RTN2: variants seen among roughly 807,000 people sequenced by gnomAD.
RTN2 encodes the protein reticulon-2.
Under a neutral mutation model 63.7 loss-of-function variants are expected in RTN2, and 36 were observed. The ratio of observed to expected loss-of-function variants is 0.56; its 90% CI spans 0.43 to 0.75. The LOEUF (loss-of-function observed/expected upper bound fraction) is 0.75, where lower values mean the gene tolerates loss of function less well. Ranked by LOEUF, RTN2 falls within the 30% of genes least tolerant of loss-of-function variation. The pLI is 0.00. For synonymous variants in RTN2, 312 were observed against 313.0 expected (o/e 1.00, Z 0.03); for missense variants, 673 against 705.1 (o/e 0.95, Z 0.52).
At chr19:45,488,382 C>G in intron 9 of RTN2, 89 bp downstream of exon 9, 1 of 1,406,954 alleles carries the variant, frequency 7.1e-7, no homozygotes, top group Non-Finnish European at 9.9e-7. Context: ...CTGGCCGGGA[C>G]ATCTGTCAAT....
intron 5 of RTN2, among the ~76,000 whole-genome samples, chr19:45,491,065 T>G (rs1388662910): frequency 6.7e-6 from 1 of 150,194 alleles, no homozygotes; most frequent in Non-Finnish European, 1.5e-5. Flanking sequence ...TTTTTGTTAT[T>G]TTTAGTTAGA....
At chr19:45,489,194 A>C (rs1006037100) in intron 6 of RTN2, 152 bp downstream of exon 6, 1 of 893,710 alleles carries the variant, frequency 1.1e-6, no homozygotes, top group African/African-American at 1.7e-5. Flanking sequence ...GGTTAGGATC[A>C]GAGATTAGGA....
chr19:45,495,136 T>C lies in RTN2; in HGVS notation c.38A>G (p.Glu13Gly), dbSNP rs543879837. 6.2e-7 allele frequency: 1 copy of C among 1,614,102 alleles called. No homozygotes were observed. The highest frequency in any genetic ancestry group is 1.3e-5 in the African/African-American group (1 of 75,052). Residue 13 changes from glutamate to glycine, a missense_variant, in exon 2 of 11, where the codon GAA (glutamate) becomes GGA (glycine). Transcript: ENST00000245923. ...QVLPVFAHCK[E>G]APSTASSTPD... ...AGTTGAGGAGGCTGTAGACGGAGCT[T>C]CTTCTGCGAGAGGGAAAGAATCGAA...
In RTN2 at chr19:45,489,472, A is replaced by G; in HGVS notation, c.1115T>C (p.Leu372Pro). The stretch of plus-strand genomic sequence containing the variant: ...GGCCACGGACACGATGCTAAAGTGC[A>G]GGAGGCAGAGGAGGGAGACCATCAG... Reference protein sequence around the residue: ...TGLMVSLLCLLHFSIVSVAAH... With the variant: ...TGLMVSLLCLPHFSIVSVAAH... The change falls in exon 6 of 11, where the codon CTG (leucine) becomes CCG (proline). Residue 372 changes from leucine to proline, a missense_variant. Transcript: ENST00000245923. 1 of 1,612,892 alleles carries G rather than the reference A, an allele frequency of 6.2e-7. No individual in the cohort carries two copies.
chr19:45,494,603 G>A lies in RTN2; in HGVS notation c.482C>T (p.Ser161Phe), dbSNP rs770628974. 6.2e-7 allele frequency: 1 copy of A among 1,614,044 alleles called. No homozygotes were observed. The highest frequency in any genetic ancestry group is 8.5e-7 in the Non-Finnish European group (1 of 1,180,028). Reference sequence around the variant, plus strand: ...TTCCAGCGGGGTGGAGCTGCTGGTGGAAGAGTCCTCCCCGGATCCCGTTCC... The same window carrying A: ...TTCCAGCGGGGTGGAGCTGCTGGTGAAAGAGTCCTCCCCGGATCCCGTTCC... ...ARGTGSGEDS[S>F]TSSSTPLEDE... is the part of the protein sequence containing the mutation. Residue 161 changes from serine (S) to phenylalanine (F), a missense_variant, in exon 3 of 11, where the codon TCC (serine) becomes TTC (phenylalanine). Physicochemically the swap from Ser to Phe is radical, Grantham distance 155. Coordinates refer to ENST00000245923, the MANE Select transcript of RTN2 (RefSeq NM_005619.5). The surrounding 1 kb of genome is among the most constrained non-coding windows in gnomAD (Gnocchi z 5.3).
rs752465413 is a variant in RTN2 at position 45,488,481 on chromosome 19, C to A, written c.1487G>T (p.Arg496Leu). 6.2e-7 allele frequency: 1 copy of A among 1,613,768 alleles called. No individual in the cohort carries two copies. The highest frequency in any genetic ancestry group is 8.5e-7 in the Non-Finnish European group (1 of 1,179,874). ...GGGTGTCACACTCACCTGGTGCTGC[C>A]GGTACAGCAGGGGGATGGTGAATAG... ...IGLFTIPLLY[R>L]QHQAQIDQYV... is the part of the protein sequence containing the mutation. Residue 496 changes from arginine (R) to leucine (L), a missense_variant, in exon 9 of 11, where the codon CGG becomes CTG. Transcript: ENST00000245923.
At chr19:45,488,753 T>G (rs909873121) in intron 7 of RTN2, 47 bp from the exon 8 acceptor site, 2 of 1,604,350 alleles carry the variant, frequency 1.2e-6, no homozygotes, top group Middle Eastern at 3.3e-4. Flanking sequence ...GAATTCCCTC[T>G]CATGCTGTGA....
Position 45,485,726 on chromosome 19 carries a change from G to A in RTN2, c.1620C>T (p.Ser540=). 1 of 1,614,026 alleles carries A rather than the reference G, an allele frequency of 6.2e-7. No individual in the cohort carries two copies. The highest frequency in any genetic ancestry group is 8.5e-7 in the Non-Finnish European group (1 of 1,179,976). Residue 540 remains serine, a synonymous_variant, in exon 11 of 11, where the codon TCC becomes TCT. Transcript: ENST00000245923. The stretch of plus-strand genomic sequence containing the variant: ...ACCGTTCTCATTCGGCTTTGGCTTT[G>A]GATCCGGAGACTGCGGCTGCTGCAG... ...LASAAAAVSG[S]KAKAE
chr19:45,487,032 CTTTTTTTTT>C (rs34799041), intron 9 of RTN2, among the ~76,000 whole-genome samples: 45 of 39,178 alleles, frequency 1.1e-3, no homozygotes, highest in African/African-American at 2.7e-3. Flanking sequence ...CATGCCCAGC[CTTTTTTTTT>C]TTTTTTTTTT....
intron 5 of RTN2, among the ~76,000 whole-genome samples, chr19:45,490,142 C>T (rs1968122463): frequency 6.6e-6 from 1 of 152,104 alleles, no homozygotes; most frequent in South Asian, 2.1e-4. Context: ...GCTGGGATTA[C>T]AGGCATGTGC....
chr19:45,486,353 G>A (rs1306140680), intron 9 of RTN2, among the ~76,000 whole-genome samples: 2 of 152,164 alleles, frequency 1.3e-5, no homozygotes, highest in East Asian at 1.9e-4. Flanking sequence ...CAAGTATCTG[G>A]CAGTGAGGCC....
rs1216907618 is a variant in RTN2 at position 45,488,667 on chromosome 19, T to C, written c.1420A>G (p.Ile474Val). The change falls in exon 8 of 11, where the codon ATC (isoleucine) becomes GTC (valine). Residue 474 changes from isoleucine (I) to valine (V), a missense_variant. Transcript: ENST00000245923. Reference protein sequence around the residue: ...LFYILTFVGAIFNGLTLLILG... With the variant: ...LFYILTFVGAVFNGLTLLILG... ...ATGAGAAGAGTCAAACCATTGAAGA[T>C]GGCACCCACGAAGGTCAAGATGTAG... 6.2e-7 allele frequency: 1 copy of C among 1,613,972 alleles called. No homozygotes were observed. Among genetic ancestry groups the C allele is most frequent in the Non-Finnish European group, 8.5e-7 (1 of 1,179,952 alleles).
chr19:45,493,153 A>G lies in RTN2; in HGVS notation c.1033+7T>C. On this transcript the variant is annotated splice_region_variant and intron_variant, in intron 5 of 10. Coordinates refer to ENST00000245923, the MANE Select transcript of RTN2 (RefSeq NM_005619.5). ...CAGCCCCCGTCCAGCCCGTTCCGCA[A>G]GCCCACCTTTACTCCCCATATCGGC... is the stretch of plus-strand genomic sequence containing the variant. 2.5e-6 allele frequency: 4 copies of G among 1,611,272 alleles called. No homozygotes were observed. The highest frequency in any genetic ancestry group is 3.4e-6 in the Non-Finnish European group (4 of 1,179,690).
At position 45,494,750 on chromosome 19, in the gene RTN2, A is replaced by C. The variant is rs1388721522; in HGVS notation, c.335T>G (p.Ile112Ser). Residue 112 changes from isoleucine to serine, a missense_variant, in exon 3 of 11, where the codon ATC becomes AGC. Coordinates refer to ENST00000245923, the MANE Select transcript of RTN2 (RefSeq NM_005619.5). This position sits in a 1 kb window ranked among gnomAD's most constrained non-coding sequence, Gnocchi z 5.3. ...CTCCGGGGATTGGCTCAGGCTGGGG[A>C]TGCTCTCCAAGCTGTCGCCCAGGCT... is the stretch of plus-strand genomic sequence containing the variant. Reference protein sequence around the residue: ...QPSLGDSLESIPSLSQSPEPG... With the variant: ...QPSLGDSLESSPSLSQSPEPG... The C allele has an allele frequency of 6.2e-7, 1 of 1,610,002 alleles. No homozygotes were observed. The highest frequency in any genetic ancestry group is 8.5e-7 in the Non-Finnish European group (1 of 1,179,952).
At chr19:45,490,535 CTG>C (rs56279132) in intron 5 of RTN2, among the ~76,000 whole-genome samples, 5,201 of 145,794 alleles carry the variant, frequency 0.036, 257 homozygotes, top group African/African-American at 0.11. Context: ...GGTTGTGTGT[CTG>C]TGTGTGTGTG....
Position 45,485,497 on chromosome 19 carries a change from C to T in RTN2, c.*211G>A. ...AGGCCCCGCGGCCAAGGTGCCTCGT[C>T]TTTCCTGGACTCCTGGAGCAGAGCC... On this transcript the variant is annotated 3_prime_UTR_variant, in exon 11 of 11. Coordinates refer to ENST00000245923, the MANE Select transcript of RTN2 (RefSeq NM_005619.5). 1.7e-6 allele frequency: 1 copy of T among 572,310 alleles called. No individual in the cohort carries two copies. The allele number at this position is 572,310 out of a possible 1,614,324, so 35.5% of individuals were successfully genotyped here. A position where few individuals can be genotyped will look rare whatever the true frequency, so the allele number is the denominator to read the frequency against.
In RTN2 at chr19:45,494,845, A is replaced by T. The variant is rs1568625722; in HGVS notation, c.240T>A (p.Asp80Glu). The change falls in exon 3 of 11, where the codon GAT becomes GAA. Residue 80 changes from aspartate (D) to glutamate (E), a missense_variant. Transcript: ENST00000245923. The surrounding 1 kb of genome is among the most constrained non-coding windows in gnomAD (Gnocchi z 5.3). ...GGGGGCGGGGGCGGCGGGCAGTTGA[A>T]TCCCTGCGGCCCCCGGAGCCCACTA... is the stretch of plus-strand genomic sequence containing the variant. ...DGVVGSGGRR[D>E]STARRPRPQG... 2 of 1,604,424 alleles carry T rather than the reference A, an allele frequency of 1.2e-6. No individual in the cohort carries two copies. The highest frequency in any genetic ancestry group is 8.5e-7 in the Non-Finnish European group (1 of 1,179,832).
rs751786026 is a variant in RTN2 at position 45,496,860 on chromosome 19, A to T, written c.-35T>A. 1.1e-5 allele frequency: 15 copies of T among 1,408,384 alleles called. No homozygotes were observed. The highest frequency in any genetic ancestry group is 1.1e-5 in the Non-Finnish European group (12 of 1,061,080). The allele number at this position is 1,408,384 out of a possible 1,614,324, so 87.2% of individuals were successfully genotyped here. On this transcript the variant is annotated 5_prime_UTR_variant, in exon 1 of 11. Coordinates refer to ENST00000245923, the MANE Select transcript of RTN2 (RefSeq NM_005619.5). Reference sequence around the variant, plus strand: ...CGGGCCTGCATCGGGACCCCCGCCCACTCCGGCTGTGCCGCCCTGGGCCCG... The same window carrying T: ...CGGGCCTGCATCGGGACCCCCGCCCTCTCCGGCTGTGCCGCCCTGGGCCCG...
Sources: gnomAD v4.1 joint callset for allele counts (sites outside exome capture counted in the v4.1 genomes callset) on GRCh38, gnomAD v4.1.1 for gene constraint, Gnocchi (gnomAD v3.1) non-coding constraint, MANE v1.5 for transcripts, NCBI Gene and HGNC (gene_info 2026-07-23, HGNC 2026-07-21) for gene names.